Variants in DLG4 observed in about 807,000 individuals in gnomAD.
DLG4 encodes the protein discs large MAGUK scaffold protein 4.
DLG4 carries 7 observed loss-of-function variants against 93.8 expected under a neutral mutation model. The ratio of observed to expected loss-of-function variants is 0.07; its 90% CI spans 0.04 to 0.14. The LOEUF (loss-of-function observed/expected upper bound fraction) is 0.14. DLG4 is among the 10% of genes least tolerant of loss of function. The probability of loss-of-function intolerance (pLI) is 1.00; values close to 1 mark genes in which losing one functional copy is unlikely to be tolerated. For missense variants in DLG4, 545 were observed against 992.9 expected, an observed-to-expected ratio of 0.55 and a Z score of 6.06; for synonymous variants, 341 against 387.6, an observed-to-expected ratio of 0.88 and a Z score of 1.41.
rs2070252417 is a variant in DLG4, at chr17:7,203,247, T to G, written c.588A>C (p.Glu196Asp). Residue 196 changes from glutamate to aspartate, a missense_variant, in exon 7 of 20, where the codon GAA becomes GAC. Glu to Asp is a conservative substitution (Grantham distance 45, BLOSUM62 2). Coordinates refer to ENST00000399506, the MANE Select transcript of DLG4 (RefSeq NM_001321075.3). This position sits in a 1 kb window ranked among gnomAD's most constrained non-coding sequence, Gnocchi z 7.2. ...DNSIYVTKIIEGGAAHKDGRL... is the reference protein window; with the variant it reads ...DNSIYVTKIIDGGAAHKDGRL... ...TCCCATCCTTGTGGGCAGCACCCCC[T>G]TCGATGATCTTTGTTACATAGATGC... The G allele has an allele frequency of 2.5e-6, 4 of 1,610,568 alleles. No homozygotes were observed. Among genetic ancestry groups the G allele is most frequent in the Non-Finnish European group, 3.4e-6 (4 of 1,177,146 alleles).
At position 7,194,410 on chromosome 17, in the gene DLG4, T is replaced by C. The variant is rs2069663671; in HGVS notation, c.1387A>G (p.Ile463Val). Residue 463 changes from isoleucine to valine, a missense_variant, in exon 12 of 20, where the codon ATC becomes GTC. By Grantham distance (29) the Ile-to-Val change is conservative. Coordinates refer to ENST00000399506, the MANE Select transcript of DLG4 (RefSeq NM_001321075.3). The surrounding 1 kb of genome is among the most constrained non-coding windows in gnomAD (Gnocchi z 4.4). ...SFRFGDVLHV[I>V]DASDEEWWQA... ...CACCACTCCTCATCACTAGCATCGA[T>C]GACATGCAGCACATCCCCAAAGCGG... 4 of 1,612,862 alleles carry C rather than the reference T, an allele frequency of 2.5e-6. No individual in the cohort carries two copies. The highest frequency in any genetic ancestry group is 3.4e-6 in the Non-Finnish European group (4 of 1,179,574).
upstream of DLG4, chr17:7,218,737 G>T: frequency 6.4e-7 from 1 of 1,572,404 alleles, no homozygotes. Flanking sequence ...CTTCACCCCA[G>T]CCCCTACGGA....
At chr17:7,215,944 A>T (rs1395099025) in intron 1 of DLG4, among the ~76,000 whole-genome samples, 1 of 135,878 alleles carries the variant, frequency 7.4e-6, no homozygotes, top group Non-Finnish European at 1.6e-5. Flanking sequence ...TCCACACACC[A>T]GGCATCCAGC....
intron 8 of DLG4, 133 bp downstream of exon 8, chr17:7,202,770 G>A: frequency 9.2e-7 from 1 of 1,092,448 alleles, no homozygotes. Context: ...TCCAACAACA[G>A]CAAGGATCAG....
At chr17:7,218,374 G>A, upstream of DLG4, 1 of 1,462,186 alleles carries the variant, frequency 6.8e-7, no homozygotes. Flanking sequence ...GCTGGCAAGG[G>A]AGGAGCCCTT....
intron 1 of DLG4, among the ~76,000 whole-genome samples, chr17:7,210,921 C>T (rs1053049059): frequency 1.3e-5 from 2 of 151,992 alleles, no homozygotes; most frequent in African/African-American, 4.8e-5. Flanking sequence ...CCCAATACCT[C>T]TCCCTGCCCC....
Position 7,217,202 on chromosome 17 carries a change from C to T in DLG4, c.-55G>A, listed in dbSNP as rs1247533334. 3 of 1,264,244 alleles carry T rather than the reference C, an allele frequency of 2.4e-6. No individual in the cohort carries two copies. The highest frequency in any genetic ancestry group is 1.6e-5 in the African/African-American group (1 of 64,310). 78.3% of individuals were successfully genotyped at this position (1,264,244 alleles called of 1,614,324 possible). A position where few individuals can be genotyped will look rare whatever the true frequency, so the allele number is the denominator to read the frequency against. ...AGGGGCTCTGACTTCATCGGAGTTT[C>T]GTTCCTCCCCTCCGTGGGTTCTCAC... is the stretch of plus-strand genomic sequence containing the variant. On this transcript the variant is annotated 5_prime_UTR_variant, in exon 1 of 20. Transcript: ENST00000399506.
chr17:7,187,547 CAAT>C lies in DLG4; in HGVS notation c.*3158_*3160del, dbSNP rs61283875. On this transcript the variant is annotated 3_prime_UTR_variant, in exon 20 of 20. Transcript: ENST00000399506. The stretch of plus-strand genomic sequence containing the variant: ...GGCAACAAGAGCGAAACTCTGTCTC[CAAT>C]AATAATAATAATAATAATAATAATA... Among the ~76,000 whole-genome samples, 8,934 of 145,726 alleles carry C rather than the reference CAAT, an allele frequency of 0.061. 398 individuals are homozygous for C. The highest frequency in any genetic ancestry group is 0.15 in the Middle Eastern group (43 of 286).
rs375728062 is a variant in DLG4 at position 7,192,827 on chromosome 17, G to A, written c.1866+118C>T. 1.8e-5 allele frequency: 20 copies of A among 1,129,504 alleles called. 1 individual carries two copies. The highest frequency in any genetic ancestry group is 4.7e-5 in the South Asian group (3 of 63,176). The allele number at this position is 1,129,504 out of a possible 1,614,324, so 70.0% of individuals were successfully genotyped here. ...CAAGAGGAGAAGGAGGTGGAGGAGC[G>A]GAGTGGAGACCCAGCAGGGAAAGAG... is the stretch of plus-strand genomic sequence containing the variant. On this transcript the variant is annotated intron_variant, in intron 17 of 19. Coordinates refer to ENST00000399506, the MANE Select transcript of DLG4 (RefSeq NM_001321075.3).
At position 7,208,315 on chromosome 17, in the gene DLG4, C is replaced by T; in HGVS notation, c.31-76G>A. Reference sequence around the variant, plus strand: ...CCAGGCTGGCCGCCCTGGCCGCCGCCTCTTCCCCCAGCCAGTGCAGTGCGG... The same window carrying T: ...CCAGGCTGGCCGCCCTGGCCGCCGCTTCTTCCCCCAGCCAGTGCAGTGCGG... On this transcript the variant is annotated intron_variant, in intron 1 of 19. Transcript: ENST00000399506. This position sits in a 1 kb window ranked among gnomAD's most constrained non-coding sequence, Gnocchi z 5.4. 1 of 1,252,632 alleles carries T rather than the reference C, an allele frequency of 8.0e-7. No individual in the cohort carries two copies. Among genetic ancestry groups the T allele is most frequent in the Non-Finnish European group, 1.0e-6 (1 of 975,140 alleles). The allele number at this position is 1,252,632 out of a possible 1,614,324, so 77.6% of individuals were successfully genotyped here.
rs1174054173 is a variant in DLG4, at chr17:7,195,592, G to C, written c.1301+628C>G. 6.6e-6 allele frequency among the ~76,000 whole-genome samples: 1 copy of C among 152,162 alleles called. No individual in the cohort carries two copies. The highest frequency in any genetic ancestry group is 2.4e-5 in the African/African-American group (1 of 41,436). On this transcript the variant is annotated intron_variant, in intron 11 of 19. Transcript: ENST00000399506. This position sits in a 1 kb window ranked among gnomAD's most constrained non-coding sequence, Gnocchi z 4.3. ...AGAAAGCCAATGGCCAGAAGTGCAGGTCTTGACCTCTGGAAATAGGTCAGC... is the reference window on the plus strand; with the variant it reads ...AGAAAGCCAATGGCCAGAAGTGCAGCTCTTGACCTCTGGAAATAGGTCAGC...
intron 8 of DLG4, among the ~76,000 whole-genome samples, chr17:7,202,180 G>A (rs558225265): frequency 3.3e-5 from 5 of 152,296 alleles, no homozygotes; most frequent in East Asian, 1.9e-4. Flanking sequence ...CGGCTCAAGC[G>A]ATCCTCCAGC....
At position 7,217,596 on chromosome 17, in the gene DLG4, G is replaced by T; in HGVS notation, c.-449C>A. ...GGAAACGGCAGCGGCCGAGGGAGCC[G>T]TGGAGCCGAAGAGGGAAGGGGAGAG... On this transcript the variant is annotated 5_prime_UTR_variant, in exon 1 of 20. Coordinates refer to ENST00000399506, the MANE Select transcript of DLG4 (RefSeq NM_001321075.3). 7.1e-7 allele frequency: 1 copy of T among 1,402,178 alleles called. No individual in the cohort carries two copies. The highest frequency in any genetic ancestry group is 9.3e-7 in the Non-Finnish European group (1 of 1,071,220). The allele number at this position is 1,402,178 out of a possible 1,614,324, so 86.9% of individuals were successfully genotyped here.
In DLG4 at chr17:7,187,647, G is replaced by A. The variant is rs1048266187; in HGVS notation, c.*3061C>T. 5.3e-5 allele frequency among the ~76,000 whole-genome samples: 8 copies of A among 151,938 alleles called. No individual in the cohort carries two copies. The highest frequency in any genetic ancestry group is 3.9e-4 in the East Asian group (2 of 5,190). The stretch of plus-strand genomic sequence containing the variant: ...GATTCTGCCCCTTCTAGTTTAACAC[G>A]CAGACGCATTACCTGCACACACCTT... On this transcript the variant is annotated 3_prime_UTR_variant, in exon 20 of 20. Transcript: ENST00000399506.
At chr17:7,200,736 G>A (rs1300555231) in intron 8 of DLG4, among the ~76,000 whole-genome samples, 1 of 151,750 alleles carries the variant, frequency 6.6e-6, no homozygotes, top group Non-Finnish European at 1.5e-5. Flanking sequence ...AGTAGAGATG[G>A]GGTTTCTCCA....
chr17:7,187,305 C>CGGGGGG lies in DLG4; in HGVS notation c.*3402_*3403insCCCCCC, dbSNP rs1394460871. On this transcript the variant is annotated 3_prime_UTR_variant, in exon 20 of 20. Coordinates refer to ENST00000399506, the MANE Select transcript of DLG4 (RefSeq NM_001321075.3). ...CTGTAATCCTAGCACTTTGGGAGGC[C>CGGGGGG]GAGGGGGGGGGGGGTGGATCACCCG... Among the ~76,000 whole-genome samples, 22 of 28,800 alleles carry CGGGGGG rather than the reference C, an allele frequency of 7.6e-4. 3 individuals carry two copies. The highest frequency in any genetic ancestry group is 3.1e-3 in the South Asian group (3 of 982). 18.9% of individuals were successfully genotyped at this position (28,800 alleles called of 152,430 possible).
upstream of DLG4, chr17:7,218,715 C>A: frequency 6.5e-7 from 1 of 1,550,312 alleles, no homozygotes; most frequent in African/African-American, 1.4e-5. Flanking sequence ...CTTCATCTCC[C>A]CAGACTGTGC....
At position 7,194,967 on chromosome 17, in the gene DLG4, A is replaced by T. The variant is rs533407921; in HGVS notation, c.1302-472T>A. ...CCAGGAGGCGGAGCTTGCAGTGAGC[A>T]GAGATCACGCCACTGCACTCCAGCC... On this transcript the variant is annotated intron_variant, in intron 11 of 19. Coordinates refer to ENST00000399506, the MANE Select transcript of DLG4 (RefSeq NM_001321075.3). The surrounding 1 kb of genome is among the most constrained non-coding windows in gnomAD (Gnocchi z 4.4). Among the ~76,000 whole-genome samples the T allele has an allele frequency of 5.3e-5, 8 of 151,424 alleles. No homozygotes were observed. The highest frequency in any genetic ancestry group is 8.9e-5 in the Non-Finnish European group (6 of 67,788).
At chr17:7,198,772 C>T (rs902877772) in intron 8 of DLG4, among the ~76,000 whole-genome samples, 3 of 150,730 alleles carry the variant, frequency 2.0e-5, no homozygotes, top group Non-Finnish European at 2.9e-5. Context: ...TGCTGGAACC[C>T]GGGCGGCAGA....
Sources: gnomAD v4.1 joint callset for allele counts (sites outside exome capture counted in the v4.1 genomes callset) on GRCh38, gnomAD v4.1.1 for gene constraint, Gnocchi (gnomAD v3.1) non-coding constraint, MANE v1.5 for transcripts, NCBI Gene and HGNC (gene_info 2026-07-23, HGNC 2026-07-21) for gene names.